FAM241A: variants seen among roughly 807,000 people sequenced by gnomAD.
FAM241A encodes family with sequence similarity 241 member A, also known as uncharacterized protein FAM241A.
FAM241A carries 7 observed loss-of-function variants against 12.2 expected under a neutral mutation model. The ratio of observed to expected loss-of-function variants is 0.58; its 90% CI spans 0.33 to 1.08. The LOEUF (loss-of-function observed/expected upper bound fraction) is 1.08, where lower values mean the gene tolerates loss of function less well. FAM241A is among the 50% of genes least tolerant of loss of function. The pLI is 0.04. For missense variants in FAM241A, 161 were observed against 169.7 expected (o/e 0.95, Z 0.29); for synonymous variants, 74 against 68.2 (o/e 1.08, Z -0.42).
intron 1 of FAM241A, among the ~76,000 whole-genome samples, chr4:112,154,788 T>G (rs1347823665): frequency 6.6e-6 from 1 of 151,988 alleles, no homozygotes; most frequent in Non-Finnish European, 1.5e-5. Flanking sequence ...ATCCCAGCAC[T>G]TTGGGAGGCT....
chr4:112,160,361 C>T (rs1723437785), intron 1 of FAM241A, among the ~76,000 whole-genome samples: 1 of 148,020 alleles, frequency 6.8e-6, no homozygotes, highest in Non-Finnish European at 1.5e-5. Flanking sequence ...GCCAAGATCA[C>T]ACCACTGTAC....
At chr4:112,185,729 T>C (rs897774928) in intron 1 of FAM241A, among the ~76,000 whole-genome samples, 1 of 152,140 alleles carries the variant, frequency 6.6e-6, no homozygotes, top group Non-Finnish European at 1.5e-5. Context: ...CACCCAGTAA[T>C]TGGAGCTGGC....
chr4:112,180,133 A>G (rs993876757), intron 1 of FAM241A, among the ~76,000 whole-genome samples: 2 of 151,100 alleles, frequency 1.3e-5, no homozygotes, highest in Non-Finnish European at 1.5e-5. Context: ...GTTCTCACTT[A>G]TAAGTAGGAG....
Position 112,191,875 on chromosome 4 carries a change from A to G in FAM241A, c.*4937A>G, listed in dbSNP as rs776334621. On this transcript the variant is annotated 3_prime_UTR_variant, in exon 2 of 2. Coordinates refer to ENST00000309733, the MANE Select transcript of FAM241A (RefSeq NM_152400.3). ...ATTAATCAATAGGCTTCACAAGGGA[A>G]GAGAACATGTCTGTCATTCTATAAT... 5 of 152,340 alleles carry G rather than the reference A, an allele frequency of 3.3e-5. No individual in the cohort carries two copies. Among genetic ancestry groups the G allele is most frequent in the Non-Finnish European group, 7.3e-5 (5 of 68,036 alleles). The allele number at this position is 152,340 out of a possible 1,614,324, so 9.4% of individuals were successfully genotyped here.
intron 1 of FAM241A, 105 bp downstream of exon 1, chr4:112,145,838 G>A (rs1009143641): frequency 1.0e-5 from 7 of 681,434 alleles, no homozygotes; most frequent in African/African-American, 1.9e-5. Flanking sequence ...CCGCAGCTCT[G>A]CCCCGCGTGG....
intron 1 of FAM241A, among the ~76,000 whole-genome samples, chr4:112,163,572 A>G (rs921670816): frequency 6.6e-6 from 1 of 152,226 alleles, no homozygotes; most frequent in African/African-American, 2.4e-5. Flanking sequence ...GCTCACCATC[A>G]CTGGTCATCA....
Position 112,145,463 on chromosome 4 carries a change from G to A in FAM241A, c.-118G>A, listed in dbSNP as rs1263474228. On this transcript the variant is annotated 5_prime_UTR_variant, in exon 1 of 2. Coordinates refer to ENST00000309733, the MANE Select transcript of FAM241A (RefSeq NM_152400.3). ...CAGGCCGGCGGGGCGCGCTCCGGCG[G>A]CTCCTGTCAGCGGCGGGTGCGGCGG... is the stretch of plus-strand genomic sequence containing the variant. 10 of 1,033,260 alleles carry A rather than the reference G, an allele frequency of 9.7e-6. No homozygotes were observed. Among genetic ancestry groups the A allele is most frequent in the African/African-American group, 1.7e-5 (1 of 57,290 alleles). The allele number at this position is 1,033,260 out of a possible 1,614,324, so 64.0% of individuals were successfully genotyped here.
chr4:112,150,262 T>G (rs1456927922), intron 1 of FAM241A, among the ~76,000 whole-genome samples: 1 of 152,134 alleles, frequency 6.6e-6, no homozygotes, highest in African/African-American at 2.4e-5. Context: ...TATTAAGTTT[T>G]TATATTTTTG....
chr4:112,164,179 G>T (rs931137612), intron 1 of FAM241A, among the ~76,000 whole-genome samples: 17 of 151,428 alleles, frequency 1.1e-4, no homozygotes, highest in African/African-American at 3.9e-4. Context: ...CTAGTTAATC[G>T]GTGCAGCACA....
intron 1 of FAM241A, among the ~76,000 whole-genome samples, chr4:112,177,141 C>A (rs1167610754): frequency 1.3e-5 from 2 of 151,978 alleles, no homozygotes; most frequent in African/African-American, 4.8e-5. Context: ...AATAGCTTTA[C>A]TTAAATTTTT....
At chr4:112,175,919 G>A (rs1329265184) in intron 1 of FAM241A, among the ~76,000 whole-genome samples, 1 of 152,124 alleles carries the variant, frequency 6.6e-6, no homozygotes, top group Non-Finnish European at 1.5e-5. Flanking sequence ...ATACTAGACA[G>A]GCAAAAACAG....
Position 112,189,029 on chromosome 4 carries a change from T to C in FAM241A, c.*2091T>C, listed in dbSNP as rs1287008479. ...AAATATTTTCTTTTATGAAATATAT[T>C]AGAATGCAGATTATACTAATATCCT... On this transcript the variant is annotated 3_prime_UTR_variant, in exon 2 of 2. Coordinates refer to ENST00000309733, the MANE Select transcript of FAM241A (RefSeq NM_152400.3). 1 of 152,146 alleles carries C rather than the reference T, an allele frequency of 6.6e-6. No individual in the cohort carries two copies. Among genetic ancestry groups the C allele is most frequent in the Non-Finnish European group, 1.5e-5 (1 of 68,026 alleles). The allele number at this position is 152,146 out of a possible 1,614,324, so 9.4% of individuals were successfully genotyped here.
chr4:112,168,725 C>T (rs1012660206), intron 1 of FAM241A, among the ~76,000 whole-genome samples: 15 of 151,934 alleles, frequency 9.9e-5, no homozygotes, highest in Admixed American at 4.6e-4. Context: ...AGTGCAATGG[C>T]GCGATCTCAG....
intron 1 of FAM241A, among the ~76,000 whole-genome samples, chr4:112,163,877 G>T (rs1383573525): frequency 6.6e-6 from 1 of 152,176 alleles, no homozygotes; most frequent in Admixed American, 6.5e-5. Flanking sequence ...GTGTCCATCA[G>T]TGATAGACTG....
At chr4:112,153,925 A>G (rs897052406) in intron 1 of FAM241A, among the ~76,000 whole-genome samples, 5 of 152,320 alleles carry the variant, frequency 3.3e-5, no homozygotes, top group African/African-American at 9.6e-5. Flanking sequence ...TTTTCATGTA[A>G]CTTTTTAAAT....
chr4:112,145,814 G>T, intron 1 of FAM241A, 81 bp downstream of exon 1: 1 of 888,358 alleles, frequency 1.1e-6, no homozygotes, highest in Non-Finnish European at 1.4e-6. Flanking sequence ...AAGGGGCCCG[G>T]CCCGCGGGCC....
intron 1 of FAM241A, among the ~76,000 whole-genome samples, chr4:112,166,561 A>G (rs1290831338): frequency 3.3e-5 from 5 of 152,106 alleles, no homozygotes; most frequent in East Asian, 1.9e-4. Flanking sequence ...GAAATTTTCC[A>G]ATAAACTGTA....
At position 112,186,709 on chromosome 4, in the gene FAM241A, A is replaced by G. The variant is rs757892606; in HGVS notation, c.170A>G (p.Gln57Arg). Reference sequence around the variant, plus strand: ...TTTTTAAAGGATGTTGAAGACTCACAGAACCACACTGGTGAGCCGGTTGGA... The same window carrying G: ...TTTTTAAAGGATGTTGAAGACTCACGGAACCACACTGGTGAGCCGGTTGGA... ...KESEQDVEDS[Q>R]NHTGEPVGDD... is the part of the protein sequence containing the mutation. Residue 57 changes from glutamine to arginine, a missense_variant, in exon 2 of 2, where the codon CAG becomes CGG. By Grantham distance (43) the Gln-to-Arg change is conservative (BLOSUM62 1). Coordinates refer to ENST00000309733, the MANE Select transcript of FAM241A (RefSeq NM_152400.3). 135 of 1,612,476 alleles carry G rather than the reference A, an allele frequency of 8.4e-5. No homozygotes were observed. Among genetic ancestry groups the G allele is most frequent in the Non-Finnish European group, 1.1e-4 (133 of 1,179,336 alleles).
At chr4:112,151,252 C>T (rs75697851) in intron 1 of FAM241A, among the ~76,000 whole-genome samples, 3,709 of 152,138 alleles carry the variant, frequency 0.024, 148 homozygotes, top group East Asian at 0.16. Context: ...CCTCTCTCTC[C>T]TTCCCTCCCT....
Sources: allele counts gnomAD v4.1 joint callset (sites outside exome capture counted in the v4.1 genomes callset), GRCh38; gene constraint gnomAD v4.1.1; transcripts MANE v1.5; gene names NCBI Gene and HGNC (gene_info 2026-07-23, HGNC 2026-07-21).